The following ZFPM1 variants were observed in gnomAD, a reference collection of about 807,000 sequenced individuals.
The protein encoded by ZFPM1 is zinc finger protein, FOG family member 1, also known as zinc finger protein ZFPM1.
In ZFPM1, 28 loss-of-function variants were observed where a neutral mutation model predicts 46.3. That is an observed-to-expected ratio of 0.60 (90% confidence interval 0.45 to 0.83). ZFPM1 has a LOEUF of 0.83. ZFPM1 is among the 40% of genes least tolerant of loss of function. The pLI is 0.00. For synonymous variants in ZFPM1, 957 were observed against 675.9 expected, an observed-to-expected ratio of 1.42 and a Z score of -6.45; for missense variants, 1,878 against 1,432.4, an observed-to-expected ratio of 1.31 and a Z score of -5.02.
At chr16:88,500,960 GA>G (rs1326524192) in intron 3 of ZFPM1, among the ~76,000 whole-genome samples, 38 of 152,322 alleles carry the variant, frequency 2.5e-4, no homozygotes, top group Admixed American at 1.8e-3. Flanking sequence ...CTTGGCTGGG[GA>G]TATGTCAGGG....
intron 2 of ZFPM1, among the ~76,000 whole-genome samples, chr16:88,488,586 G>A (rs1909372378): frequency 6.6e-6 from 1 of 152,152 alleles, no homozygotes; most frequent in South Asian, 2.1e-4. Context: ...TGGGGTGGGG[G>A]GGCTTTATGG....
In ZFPM1 at chr16:88,532,150, C is replaced by G; in HGVS notation, c.861C>G (p.Pro287=). 1 of 1,612,670 alleles carries G rather than the reference C, an allele frequency of 6.2e-7. No homozygotes were observed. The highest frequency in any genetic ancestry group is 8.5e-7 in the Non-Finnish European group (1 of 1,179,804). The change falls in exon 7 of 10, where the codon CCC becomes CCG. Residue 287 remains proline (P), a synonymous_variant. Coordinates refer to ENST00000319555, the MANE Select transcript of ZFPM1 (RefSeq NM_153813.3). ...ACGAGAAGCCCAAAGAGACCTACCC[C>G]AACGAGCGCGTCTGCCCCTTCCCCC... is the stretch of plus-strand genomic sequence containing the variant. ...ATDEKPKETY[P]NERVCPFPQC... is the part of the protein sequence containing the mutation.
Position 88,489,134 on chromosome 16 carries a change from C to A in ZFPM1, c.249C>A (p.Gly83=). ...PEPRPTEEEP[G]SPWSGPDELE... is the part of the protein sequence containing the mutation. Reference sequence around the variant, plus strand: ...CCAGGCCCACGGAGGAAGAGCCGGGCAGTCCCTGGAGCGGGCCAGGTAACC... The same window carrying A: ...CCAGGCCCACGGAGGAAGAGCCGGGAAGTCCCTGGAGCGGGCCAGGTAACC... Residue 83 remains glycine (G), a synonymous_variant, in exon 3 of 10, where the codon GGC becomes GGA. Transcript: ENST00000319555. 1 of 1,607,842 alleles carries A rather than the reference C, an allele frequency of 6.2e-7. No homozygotes were observed. The highest frequency in any genetic ancestry group is 2.3e-5 in the East Asian group (1 of 44,380).
chr16:88,471,660 C>A lies in ZFPM1; in HGVS notation c.41-14279C>A, dbSNP rs1908428653. Among the ~76,000 whole-genome samples the A allele has an allele frequency of 2.6e-5, 4 of 152,222 alleles. No individual in the cohort carries two copies. Among genetic ancestry groups the A allele is most frequent in the African/African-American group, 7.2e-5 (3 of 41,458 alleles). On this transcript the variant is annotated intron_variant, in intron 1 of 9. Transcript: ENST00000319555. The surrounding 1 kb of genome is among the most constrained non-coding windows in gnomAD (Gnocchi z 4.1). ...GGTCAGGGCCCCAAGATGACCGTGG[C>A]CGCGGTGGCTCCCACACACAGTGGA...
In ZFPM1 at chr16:88,497,351, T is replaced by G. The variant is rs1473749916; in HGVS notation, c.268+8198T>G. 6.6e-6 allele frequency among the ~76,000 whole-genome samples: 1 copy of G among 150,614 alleles called. No individual in the cohort carries two copies. Among genetic ancestry groups the G allele is most frequent in the Non-Finnish European group, 1.5e-5 (1 of 67,732 alleles). Reference sequence around the variant, plus strand: ...GTGCACAAGGAGCTGGCTCAGGGCCTGAGTTTCAAGTGGTCAGTGGTGGCT... The same window carrying G: ...GTGCACAAGGAGCTGGCTCAGGGCCGGAGTTTCAAGTGGTCAGTGGTGGCT... On this transcript the variant is annotated intron_variant, in intron 3 of 9. Transcript: ENST00000319555. This position sits in a 1 kb window ranked among gnomAD's most constrained non-coding sequence, Gnocchi z 5.4.
At position 88,527,059 on chromosome 16, in the gene ZFPM1, G is replaced by A; in HGVS notation, c.505+143G>A. The A allele has an allele frequency of 2.2e-6, 3 of 1,336,408 alleles. No homozygotes were observed. In the African/African-American group the frequency reaches 4.4e-5, roughly 20 times the overall value. 82.8% of individuals were successfully genotyped at this position (1,336,408 alleles called of 1,614,324 possible). A position where few individuals can be genotyped will look rare whatever the true frequency, so the allele number is the denominator to read the frequency against. ...GGAGCTGCTGGCCCCGGGCGCTGCAGCATGAGGCAGACACTCTACTGGGAC... is the reference window on the plus strand; with the variant it reads ...GGAGCTGCTGGCCCCGGGCGCTGCAACATGAGGCAGACACTCTACTGGGAC... On this transcript the variant is annotated intron_variant, in intron 5 of 9. Coordinates refer to ENST00000319555, the MANE Select transcript of ZFPM1 (RefSeq NM_153813.3).
chr16:88,521,212 G>A (rs1911858232), intron 4 of ZFPM1, among the ~76,000 whole-genome samples: 1 of 149,180 alleles, frequency 6.7e-6, no homozygotes, highest in African/African-American at 2.5e-5. Flanking sequence ...GTTTCCCACT[G>A]CCACTCCATG....
At chr16:88,458,759 C>T (rs1028115211) in intron 1 of ZFPM1, among the ~76,000 whole-genome samples, 3 of 152,188 alleles carry the variant, frequency 2.0e-5, no homozygotes, top group African/African-American at 7.2e-5. Flanking sequence ...CTCCTGACCC[C>T]ATTTCACAGA....
intron 3 of ZFPM1, among the ~76,000 whole-genome samples, chr16:88,508,156 G>A (rs1910760287): frequency 6.6e-6 from 1 of 152,130 alleles, no homozygotes; most frequent in African/African-American, 2.4e-5. Context: ...AATTAACCGG[G>A]TGCGGTGGCG....
At chr16:88,467,480 C>T (rs1041304658) in intron 1 of ZFPM1, among the ~76,000 whole-genome samples, 7 of 152,240 alleles carry the variant, frequency 4.6e-5, no homozygotes, top group African/African-American at 1.4e-4. Context: ...CACTTCACTT[C>T]TCTGGGCTTT....
chr16:88,532,634 C>G lies in ZFPM1; in HGVS notation c.967C>G (p.Leu323Val). ...TCCAGGAGAGCGGCCCTTCGTGTGC[C>G]TGATCTGCCTGTCGGCCTTCACCAC... ...SHSGERPFVC[L>V]ICLSAFTTKA... The change falls in exon 8 of 10, where the codon CTG becomes GTG. Residue 323 changes from leucine (L) to valine (V), a missense_variant. Leu to Val is a conservative substitution (Grantham distance 32). Coordinates refer to ENST00000319555, the MANE Select transcript of ZFPM1 (RefSeq NM_153813.3). 1 of 1,580,574 alleles carries G rather than the reference C, an allele frequency of 6.3e-7. No individual in the cohort carries two copies. The highest frequency in any genetic ancestry group is 1.8e-5 in the Admixed American group (1 of 54,328).
rs771731611 is a variant in ZFPM1 at position 88,534,929 on chromosome 16, G to T, written c.2971G>T (p.Ala991Ser). The T allele has an allele frequency of 1.6e-5, 25 of 1,542,400 alleles. No individual in the cohort carries two copies. Among genetic ancestry groups the T allele is most frequent in the Non-Finnish European group, 1.9e-5 (22 of 1,144,626 alleles). ...IKFSSLSTFI[A>S]HKKYYCSSHA... ...GTTCAGCAGCCTGTCCACCTTCATC[G>T]CCCACAAGAAGTATTACTGCTCCTC... The change falls in exon 10 of 10, where the codon GCC becomes TCC. Residue 991 changes from alanine (A) to serine (S), a missense_variant. Ala to Ser is a moderately conservative substitution (Grantham distance 99). Transcript: ENST00000319555.
chr16:88,493,959 C>G (rs1228205351), intron 3 of ZFPM1, among the ~76,000 whole-genome samples: 1 of 152,210 alleles, frequency 6.6e-6, no homozygotes, highest in Non-Finnish European at 1.5e-5. Flanking sequence ...ATAGTCCAGC[C>G]TCGCTGAGTG....
At chr16:88,510,614 C>G in intron 3 of ZFPM1, among the ~76,000 whole-genome samples, 1 of 152,194 alleles carries the variant, frequency 6.6e-6, no homozygotes, top group East Asian at 1.9e-4. Context: ...CCTGTAGTGG[C>G]GGCCCCATTC....
At chr16:88,520,165 T>G (rs1279014873) in intron 4 of ZFPM1, among the ~76,000 whole-genome samples, 2 of 131,108 alleles carry the variant, frequency 1.5e-5, no homozygotes, top group Non-Finnish European at 1.6e-5. Flanking sequence ...AATGGGTGGA[T>G]GCATGGGTAG....
chr16:88,533,960 A>G lies in ZFPM1; in HGVS notation c.2002A>G (p.Ser668Gly). 7.7e-7 allele frequency: 1 copy of G among 1,300,398 alleles called. No individual in the cohort carries two copies. Among genetic ancestry groups the G allele is most frequent in the East Asian group, 5.1e-5 (1 of 19,504 alleles). 80.6% of individuals were successfully genotyped at this position (1,300,398 alleles called of 1,614,324 possible). The change falls in exon 10 of 10, where the codon AGC (serine) becomes GGC (glycine). Residue 668 changes from serine (S) to glycine (G), a missense_variant. Coordinates refer to ENST00000319555, the MANE Select transcript of ZFPM1 (RefSeq NM_153813.3). The part of the protein sequence containing the change: ...AGGRGSEGSQ[S>G]PGSSVDDAED... ...CGGCCGGGGCAGCGAGGGCAGCCAG[A>G]GCCCGGGTAGCTCCGTGGACGACGC...
At chr16:88,483,274 GC>G (rs1199963338) in intron 1 of ZFPM1, among the ~76,000 whole-genome samples, 1 of 150,842 alleles carries the variant, frequency 6.6e-6, no homozygotes, top group Non-Finnish European at 1.5e-5. Context: ...GGTGGCACCT[GC>G]CCCTCCTGTC....
At chr16:88,514,313 G>A in intron 3 of ZFPM1, 74 bp from the exon 4 acceptor site, 1 of 1,535,328 alleles carries the variant, frequency 6.5e-7, no homozygotes, top group Non-Finnish European at 8.7e-7. Context: ...TGCCCCTTGG[G>A]CCAACCCTAG....
intron 1 of ZFPM1, among the ~76,000 whole-genome samples, chr16:88,479,313 G>T (rs575263256): frequency 1.3e-5 from 2 of 152,060 alleles, no homozygotes; most frequent in Non-Finnish European, 2.9e-5. Context: ...CGAGATTCAC[G>T]GGATGAGAGA....
Sources: gnomAD v4.1 joint callset for allele counts (sites outside exome capture counted in the v4.1 genomes callset) on GRCh38, gnomAD v4.1.1 for gene constraint, Gnocchi (gnomAD v3.1) non-coding constraint, MANE v1.5 for transcripts, NCBI Gene and HGNC (gene_info 2026-07-23, HGNC 2026-07-21) for gene names.